The following LARP4 variants were observed in gnomAD, a reference collection of about 807,000 sequenced individuals.
LARP4 encodes La ribonucleoprotein 4, also known as la-related protein 4.
LARP4 carries 29 observed loss-of-function variants against 92.9 expected under a neutral mutation model. The observed-to-expected ratio is 0.31, with a 90% CI of 0.23 to 0.43. The LOEUF (loss-of-function observed/expected upper bound fraction) is 0.43. Ranked by LOEUF, LARP4 falls within the 20% of genes least tolerant of loss-of-function variation. The pLI is 1.00. For missense variants in LARP4, 732 were observed against 860.0 expected, an observed-to-expected ratio of 0.85 and a Z score of 1.86; for synonymous variants, 279 against 284.1, an observed-to-expected ratio of 0.98 and a Z score of 0.18.
intron 8 of LARP4, among the ~76,000 whole-genome samples, chr12:50,447,317 T>C (rs941515175): frequency 2.6e-5 from 4 of 152,126 alleles, no homozygotes; most frequent in African/African-American, 9.7e-5. Context: ...ATTAAAAGGG[T>C]CAGCAAACAT....
intron 10 of LARP4, among the ~76,000 whole-genome samples, chr12:50,456,062 C>A (rs996207986): frequency 6.6e-6 from 1 of 152,058 alleles, no homozygotes; most frequent in Middle Eastern, 3.4e-3. Flanking sequence ...CCTGCAGCCA[C>A]GCCCTCTCAC....
chr12:50,427,989 A>AAC, intron 2 of LARP4, 80 bp downstream of exon 2: 9 of 620,132 alleles, frequency 1.5e-5, no homozygotes, highest in Non-Finnish European at 1.8e-5. Flanking sequence ...CTTGAGACAC[A>AAC]TCTCTTTTTT....
At chr12:50,442,726 T>G (rs1337433867) in intron 8 of LARP4, among the ~76,000 whole-genome samples, 2 of 152,232 alleles carry the variant, frequency 1.3e-5, no homozygotes, top group African/African-American at 4.8e-5. Flanking sequence ...GAGATAGTGC[T>G]TTTGTTTTCT....
intron 1 of LARP4, chr12:50,416,286 C>A (rs1946777878): frequency 6.6e-6 from 1 of 152,154 alleles, no homozygotes; most frequent in South Asian, 2.1e-4. Flanking sequence ...CTCACCAGAT[C>A]CTTGTGCAAC....
At chr12:50,426,707 GT>G (rs1565986624) in intron 1 of LARP4, among the ~76,000 whole-genome samples, 4 of 138,992 alleles carry the variant, frequency 2.9e-5, no homozygotes, top group East Asian at 2.1e-4. Context: ...GTGTGTGTGT[GT>G]GTGTGTGTGT....
chr12:50,430,958 G>A (rs1358217333), intron 4 of LARP4, among the ~76,000 whole-genome samples: 3 of 152,160 alleles, frequency 2.0e-5, no homozygotes, highest in Non-Finnish European at 4.4e-5. Flanking sequence ...CACCACACTC[G>A]GCCCCTTGTC....
chr12:50,471,814 C>T (rs544026543), intron 13 of LARP4, among the ~76,000 whole-genome samples: 3 of 152,282 alleles, frequency 2.0e-5, no homozygotes, highest in Admixed American at 6.5e-5. Flanking sequence ...TGAGCCACTG[C>T]GCCTGGTCAG....
chr12:50,454,215 T>C, intron 9 of LARP4, 99 bp from the exon 10 acceptor site: 1 of 785,040 alleles, frequency 1.3e-6, no homozygotes, highest in Admixed American at 3.1e-5. Context: ...ATTTTTGGCT[T>C]GTAAAAGATA....
chr12:50,430,961 C>T (rs571300564), intron 4 of LARP4, among the ~76,000 whole-genome samples: 37 of 152,234 alleles, frequency 2.4e-4, no homozygotes, highest in Middle Eastern at 6.8e-3. Context: ...CACACTCGGC[C>T]CCTTGTCTAG....
chr12:50,464,807 C>T (rs1486195651), intron 12 of LARP4, among the ~76,000 whole-genome samples: 1 of 151,970 alleles, frequency 6.6e-6, no homozygotes, highest in African/African-American at 2.4e-5. Context: ...TCTCTTGCCT[C>T]AGTCTCCCAA....
chr12:50,467,533 C>T (rs1956307814), intron 13 of LARP4, among the ~76,000 whole-genome samples: 1 of 152,046 alleles, frequency 6.6e-6, no homozygotes, highest in African/African-American at 2.4e-5. Context: ...CAGCTCCTGA[C>T]CTCAAGCCAT....
chr12:50,467,796 C>G (rs1028686154), intron 13 of LARP4, among the ~76,000 whole-genome samples: 3 of 151,930 alleles, frequency 2.0e-5, no homozygotes, highest in Admixed American at 6.6e-5. Context: ...GTAGACCTCT[C>G]CATATCAGAA....
intron 7 of LARP4, 187 bp from the exon 8 acceptor site, chr12:50,441,403 C>T (rs1349533884): frequency 4.7e-6 from 2 of 425,038 alleles, no homozygotes; most frequent in Non-Finnish European, 8.5e-6. Context: ...GGCTTTTCTA[C>T]AATAAATATG....
At chr12:50,469,143 G>A (rs1956573345) in intron 13 of LARP4, among the ~76,000 whole-genome samples, 1 of 151,628 alleles carries the variant, frequency 6.6e-6, no homozygotes, top group South Asian at 2.1e-4. Context: ...TTCTGTATTG[G>A]ATTCTCTATC....
intron 13 of LARP4, among the ~76,000 whole-genome samples, chr12:50,467,458 CTT>C (rs1035839870): frequency 2.2e-4 from 34 of 151,920 alleles, no homozygotes; most frequent in African/African-American, 8.2e-4. Context: ...GCCCAGCTAA[CTT>C]TTGTATTTTT....
At chr12:50,440,100 G>A (rs977087364) in intron 6 of LARP4, among the ~76,000 whole-genome samples, 3 of 152,150 alleles carry the variant, frequency 2.0e-5, no homozygotes, top group Non-Finnish European at 4.4e-5. Context: ...AAATACTTAC[G>A]CTTTGCTTAT....
At chr12:50,466,271 T>A (rs1304964986) in intron 12 of LARP4, among the ~76,000 whole-genome samples, 1 of 152,004 alleles carries the variant, frequency 6.6e-6, no homozygotes, top group East Asian at 1.9e-4. Context: ...TTTTCATATA[T>A]GTTATATAGA....
chr12:50,435,337 A>G (rs1950251886), intron 4 of LARP4, 151 bp from the exon 5 acceptor site: 2 of 598,628 alleles, frequency 3.3e-6, no homozygotes, highest in Non-Finnish European at 5.9e-6. Context: ...ACTTTTAACA[A>G]CTTTTTAGAG....
intron 8 of LARP4, among the ~76,000 whole-genome samples, chr12:50,452,590 C>T (rs1953415727): frequency 6.6e-6 from 1 of 152,164 alleles, no homozygotes; most frequent in African/African-American, 2.4e-5. Context: ...TCTTCTCTAA[C>T]ACTTCCTGTT....
Sources: allele counts gnomAD v4.1 joint callset (sites outside exome capture counted in the v4.1 genomes callset), GRCh38; gene constraint gnomAD v4.1.1; transcripts MANE v1.5; gene names NCBI Gene and HGNC (gene_info 2026-07-23, HGNC 2026-07-21).